Variants in PAX3 observed in about 807,000 individuals in gnomAD.
PAX3 encodes paired box protein Pax-3.
Under a neutral mutation model 51.6 loss-of-function variants are expected in PAX3, and 14 were observed. The observed-to-expected ratio is 0.27, with a 90% CI of 0.18 to 0.42. The LOEUF is 0.42. Among genes scored for constraint, PAX3 ranks in the 10% least tolerant of loss-of-function variants. The pLI is 1.00. For synonymous variants in PAX3, 280 were observed against 253.4 expected (o/e 1.11, Z -1.00); for missense variants, 540 against 642.8 (o/e 0.84, Z 1.73).
chr2:222,279,869 T>C (rs1174793823), intron 4 of PAX3, among the ~76,000 whole-genome samples: 1 of 152,038 alleles, frequency 6.6e-6, no homozygotes, highest in Non-Finnish European at 1.5e-5. Flanking sequence ...AATAAAGAAA[T>C]GGTTGGTCTC....
chr2:222,274,512 T>C (rs1227948686), intron 4 of PAX3, among the ~76,000 whole-genome samples: 1 of 151,000 alleles, frequency 6.6e-6, no homozygotes. Flanking sequence ...CGTAACCACC[T>C]CTATAAAGGA....
chr2:222,265,990 G>C (rs1559296553), intron 4 of PAX3, among the ~76,000 whole-genome samples: 1 of 152,342 alleles, frequency 6.6e-6, no homozygotes, highest in East Asian at 1.9e-4. Context: ...TGTGGGGACA[G>C]CCAGTAGTTG....
At chr2:222,236,748 T>C (rs1251203000) in intron 4 of PAX3, among the ~76,000 whole-genome samples, 1 of 152,228 alleles carries the variant, frequency 6.6e-6, no homozygotes, top group East Asian at 1.9e-4. Context: ...ATTACTACTG[T>C]ACAACTTTAA....
intron 4 of PAX3, among the ~76,000 whole-genome samples, chr2:222,245,519 T>C (rs966389389): frequency 6.6e-6 from 1 of 152,210 alleles, no homozygotes; most frequent in Non-Finnish European, 1.5e-5. Flanking sequence ...GGTTTCTGCA[T>C]GAATTATTGG....
At chr2:222,217,518 G>A (rs537976273) in intron 7 of PAX3, among the ~76,000 whole-genome samples, 16 of 152,044 alleles carry the variant, frequency 1.1e-4, no homozygotes, top group Non-Finnish European at 1.8e-4. Context: ...ATCATTTTGG[G>A]CCTCAGTTGG....
In PAX3 at chr2:222,298,547, G is replaced by T; in HGVS notation, c.69C>A (p.Ser23Arg). 1 of 1,605,282 alleles carries T rather than the reference G, an allele frequency of 6.2e-7. No homozygotes were observed. Residue 23 changes from serine (S) to arginine (R), a missense_variant, in exon 1 of 9, where the codon AGC (serine) becomes AGA (arginine). Physicochemically the swap from Ser to Arg is moderately radical, Grantham distance 110 (BLOSUM62 -1). Transcript: ENST00000392070. ...CTCCCTTACCTTCCAGCGGGAACCC[G>T]CTACGCGGGTAGTTCTGCCCCGGGC... The part of the protein sequence containing the change: ...RPGPGQNYPR[S>R]GFPLEVSTPL...
chr2:222,254,761 C>T (rs972996497), intron 4 of PAX3, among the ~76,000 whole-genome samples: 1 of 152,104 alleles, frequency 6.6e-6, no homozygotes, highest in Non-Finnish European at 1.5e-5. Flanking sequence ...ATTTAAGGCT[C>T]ACTATTAAGC....
Position 222,201,414 on chromosome 2 carries a change from G to A in PAX3, c.1449C>T (p.Ile483=), listed in dbSNP as rs757964568. 277 of 1,613,744 alleles carry A rather than the reference G, an allele frequency of 1.7e-4. 2 individuals carry two copies. The highest frequency in any genetic ancestry group is 3.8e-4 in the East Asian group (17 of 44,854). The change falls in exon 9 of 9, where the codon ATC becomes ATT. Residue 483 remains isoleucine, a synonymous_variant. Coordinates refer to ENST00000392070, the MANE Select transcript of PAX3 (RefSeq NM_181458.4). ...QSAFHYLKPD[I]A ...CTCCAAGTGGACAGTTCACTTACGC[G>A]ATATCTGGCTTGAGATAATGAAAGG...
At chr2:222,255,940 T>TG (rs1693624236) in intron 4 of PAX3, among the ~76,000 whole-genome samples, 1 of 144,524 alleles carries the variant, frequency 6.9e-6, no homozygotes, top group Admixed American at 6.9e-5. Context: ...TTTTTTTTTT[T>TG]GTATTTTTAG....
At chr2:222,296,375 G>T (rs2106201917) in intron 2 of PAX3, among the ~76,000 whole-genome samples, 1 of 152,296 alleles carries the variant, frequency 6.6e-6, no homozygotes, top group Admixed American at 6.5e-5. Flanking sequence ...CTCCCACTCA[G>T]CCCTAGCTGG....
chr2:222,249,594 C>G (rs1403035073), intron 4 of PAX3, among the ~76,000 whole-genome samples: 1 of 151,820 alleles, frequency 6.6e-6, no homozygotes, highest in African/African-American at 2.4e-5. Flanking sequence ...TGGGAAGATC[C>G]ACTTTAAGAA....
At chr2:222,210,121 G>T (rs1051130883) in intron 7 of PAX3, among the ~76,000 whole-genome samples, 9 of 152,152 alleles carry the variant, frequency 5.9e-5, no homozygotes, top group Non-Finnish European at 1.3e-4. Context: ...TTTGGGCAGT[G>T]GTTATGTCTC....
chr2:222,225,800 A>C (rs1692360231), intron 5 of PAX3, among the ~76,000 whole-genome samples: 1 of 152,232 alleles, frequency 6.6e-6, no homozygotes, highest in African/African-American at 2.4e-5. Flanking sequence ...TATTAAATAG[A>C]AAGTCTCACA....
At chr2:222,205,515 T>C (rs895747085) in intron 7 of PAX3, among the ~76,000 whole-genome samples, 1 of 152,138 alleles carries the variant, frequency 6.6e-6, no homozygotes, top group African/African-American at 2.4e-5. Context: ...AGTTCTTATT[T>C]CCACTGTGAT....
chr2:222,238,829 G>A (rs1430655), intron 4 of PAX3, among the ~76,000 whole-genome samples: 23,439 of 152,154 alleles, frequency 0.15, 2,373 homozygotes, highest in African/African-American at 0.29. Context: ...GATCACTTAA[G>A]GGTATTTCAC....
chr2:222,294,089 C>G, intron 4 of PAX3, 78 bp downstream of exon 4: 1 of 1,602,152 alleles, frequency 6.2e-7, no homozygotes, highest in Non-Finnish European at 8.5e-7. Flanking sequence ...GCTTGGCTGC[C>G]GTCAGATCAC....
intron 4 of PAX3, among the ~76,000 whole-genome samples, chr2:222,248,557 G>T (rs1693311742): frequency 6.6e-6 from 1 of 152,092 alleles, no homozygotes; most frequent in African/African-American, 2.4e-5. Flanking sequence ...GTCAACTCTT[G>T]TTGCAACCAC....
chr2:222,247,605 T>C (rs1412821059), intron 4 of PAX3, among the ~76,000 whole-genome samples: 2 of 152,132 alleles, frequency 1.3e-5, no homozygotes, highest in African/African-American at 4.8e-5. Context: ...CTATATCTCT[T>C]GAGTTCTAAA....
At chr2:222,236,073 C>A (rs1692787976) in intron 4 of PAX3, among the ~76,000 whole-genome samples, 1 of 152,188 alleles carries the variant, frequency 6.6e-6, no homozygotes, top group Non-Finnish European at 1.5e-5. Flanking sequence ...CATCTGTAAA[C>A]CCCAAAGGGA....
Sources: allele counts gnomAD v4.1 joint callset (sites outside exome capture counted in the v4.1 genomes callset), GRCh38; gene constraint gnomAD v4.1.1; transcripts MANE v1.5; gene names NCBI Gene and HGNC (gene_info 2026-07-23, HGNC 2026-07-21).